MAGI2: variants seen among roughly 807,000 people sequenced by gnomAD.
MAGI2 encodes membrane associated guanylate kinase, WW and PDZ domain containing 2, also known as membrane-associated guanylate kinase, WW and PDZ domain-containing protein 2.
In MAGI2, 35 loss-of-function variants were observed where a neutral mutation model predicts 133.3. The ratio of observed to expected loss-of-function variants is 0.26; its 90% CI spans 0.20 to 0.35. MAGI2 has a LOEUF of 0.35. Among genes scored for constraint, MAGI2 ranks in the 10% least tolerant of loss-of-function variants. The probability of loss-of-function intolerance (pLI) is 1.00; values close to 1 mark genes in which losing one functional copy is unlikely to be tolerated. For missense variants in MAGI2, 1,636 were observed against 1,863.4 expected, an observed-to-expected ratio of 0.88 and a Z score of 2.25; for synonymous variants, 729 against 710.6, an observed-to-expected ratio of 1.03 and a Z score of -0.41.
At chr7:79,294,883 C>G (rs573874692) in intron 1 of MAGI2, among the ~76,000 whole-genome samples, 3 of 151,428 alleles carry the variant, frequency 2.0e-5, no homozygotes, top group African/African-American at 7.2e-5. Flanking sequence ...GCGCCCGCCA[C>G]CACTCCCGGC....
At chr7:79,048,952 A>C (rs2116970471) in intron 1 of MAGI2, among the ~76,000 whole-genome samples, 1 of 152,282 alleles carries the variant, frequency 6.6e-6, no homozygotes, top group Admixed American at 6.5e-5. Context: ...TTACCAAAAT[A>C]AAATAATAAC....
At position 78,826,027 on chromosome 7, in the gene MAGI2, C is replaced by T. The variant is rs1790595288; in HGVS notation, c.418+181063G>A. 2.6e-5 allele frequency among the ~76,000 whole-genome samples: 4 copies of T among 152,100 alleles called. No individual in the cohort carries two copies. The South Asian group carries it at 8.3e-4, about 31-fold the overall frequency. On this transcript the variant is annotated intron_variant, in intron 2 of 21. Transcript: ENST00000354212. ...TCAGTGATAAAAAGAAATAAGCTTT[C>T]TTGCTATGAAAACATATGGATGAGT...
intron 9 of MAGI2, among the ~76,000 whole-genome samples, chr7:78,271,982 C>T (rs993056735): frequency 3.3e-5 from 5 of 152,114 alleles, no homozygotes; most frequent in African/African-American, 1.2e-4. Flanking sequence ...TTGTCTTCTG[C>T]TCACTTTTGA....
chr7:78,230,505 G>A (rs150762668), intron 10 of MAGI2, among the ~76,000 whole-genome samples: 24 of 152,010 alleles, frequency 1.6e-4, no homozygotes, highest in African/African-American at 4.8e-4. Context: ...AATAACTTTC[G>A]TCTTACACAT....
intron 2 of MAGI2, among the ~76,000 whole-genome samples, chr7:78,705,795 A>G (rs1818582988): frequency 6.6e-6 from 1 of 152,154 alleles, no homozygotes; most frequent in South Asian, 2.1e-4. Context: ...TAACATTTCC[A>G]GGCAACAAAG....
chr7:79,093,553 T>C (rs73369323), intron 1 of MAGI2, among the ~76,000 whole-genome samples: 2,097 of 152,196 alleles, frequency 0.014, 52 homozygotes, highest in African/African-American at 0.047. Context: ...TGCTAAAAAA[T>C]GCAATCATCT....
chr7:78,038,911 C>T (rs1476890516), intron 21 of MAGI2, among the ~76,000 whole-genome samples: 1 of 152,220 alleles, frequency 6.6e-6, no homozygotes, highest in Non-Finnish European at 1.5e-5. Context: ...ATAGCCAGGA[C>T]AGGACAACAA....
At chr7:79,357,244 A>G (rs1164869530) in intron 1 of MAGI2, among the ~76,000 whole-genome samples, 2 of 152,168 alleles carry the variant, frequency 1.3e-5, no homozygotes, top group Non-Finnish European at 1.5e-5. Context: ...ACTGTACCTC[A>G]TCAGGCTTGT....
intron 2 of MAGI2, among the ~76,000 whole-genome samples, chr7:78,697,082 A>C (rs529806955): frequency 6.6e-6 from 1 of 152,308 alleles, no homozygotes; most frequent in South Asian, 2.1e-4. Context: ...ATAATTTGCC[A>C]ATTGGCTCTC....
intron 2 of MAGI2, among the ~76,000 whole-genome samples, chr7:78,909,602 CAAAAA>C (rs1237807866): frequency 2.4e-5 from 1 of 42,158 alleles, no homozygotes; most frequent in South Asian, 1.0e-3. Context: ...GACTCCATCT[CAAAAA>C]AAAAAAAAAA....
chr7:78,100,727 T>C (rs1425465403), intron 20 of MAGI2, among the ~76,000 whole-genome samples: 1 of 150,614 alleles, frequency 6.6e-6, no homozygotes, highest in Non-Finnish European at 1.5e-5. Flanking sequence ...TTTCATTATT[T>C]TGAGGCATAC....
At chr7:78,193,845 C>G (rs925929051) in intron 12 of MAGI2, among the ~76,000 whole-genome samples, 2 of 151,946 alleles carry the variant, frequency 1.3e-5, no homozygotes, top group African/African-American at 4.8e-5. Flanking sequence ...ATTTTTCAAC[C>G]AAAATTAGTT....
At chr7:78,749,273 G>A (rs549007262) in intron 2 of MAGI2, among the ~76,000 whole-genome samples, 1 of 152,096 alleles carries the variant, frequency 6.6e-6, no homozygotes, top group South Asian at 2.1e-4. Context: ...TCTAAGTAGA[G>A]GGAAAAGGTG....
At chr7:78,437,895 C>A (rs766037647) in intron 6 of MAGI2, among the ~76,000 whole-genome samples, 1 of 152,160 alleles carries the variant, frequency 6.6e-6, no homozygotes, top group African/African-American at 2.4e-5. Context: ...TTACCCTTAT[C>A]ATTGACTGCA....
At chr7:79,378,932 A>ATGTG (rs1563168228) in intron 1 of MAGI2, among the ~76,000 whole-genome samples, 7 of 29,992 alleles carry the variant, frequency 2.3e-4, no homozygotes, top group African/African-American at 1.1e-3. Context: ...GTGTGTATAT[A>ATGTG]TATATATATA....
chr7:79,142,825 A>G (rs891672954), intron 1 of MAGI2, among the ~76,000 whole-genome samples: 2 of 152,110 alleles, frequency 1.3e-5, no homozygotes, highest in African/African-American at 4.8e-5. Flanking sequence ...ATCCCCAGTC[A>G]TGGTCCCTGT....
At chr7:79,121,292 A>G (rs1303048299) in intron 1 of MAGI2, among the ~76,000 whole-genome samples, 1 of 152,176 alleles carries the variant, frequency 6.6e-6, no homozygotes, top group Non-Finnish European at 1.5e-5. Flanking sequence ...CATTCAGTGA[A>G]CTTTTGAGAG....
At chr7:78,228,242 A>C (rs1789606221) in intron 10 of MAGI2, among the ~76,000 whole-genome samples, 1 of 152,246 alleles carries the variant, frequency 6.6e-6, no homozygotes, top group Non-Finnish European at 1.5e-5. Context: ...GGCAAGAGCC[A>C]TGGTTTGCTG....
intron 6 of MAGI2, among the ~76,000 whole-genome samples, chr7:78,481,870 G>C (rs1481210762): frequency 6.6e-6 from 1 of 151,836 alleles, no homozygotes; most frequent in African/African-American, 2.4e-5. Context: ...TCTTAGACTT[G>C]ATACCAAAAG....
Sources: allele counts gnomAD v4.1 joint callset (sites outside exome capture counted in the v4.1 genomes callset), GRCh38; gene constraint gnomAD v4.1.1; transcripts MANE v1.5; gene names NCBI Gene and HGNC (gene_info 2026-07-23, HGNC 2026-07-21).